MBD5: variants seen among roughly 807,000 people sequenced by gnomAD.
MBD5 encodes the protein methyl-CpG binding domain protein 5.
Under a neutral mutation model 117.3 loss-of-function variants are expected in MBD5, and 13 were observed. The observed-to-expected ratio is 0.11, with a 90% CI of 0.07 to 0.18. MBD5 has a LOEUF of 0.18. Ranked by LOEUF, MBD5 falls within the 10% of genes least tolerant of loss-of-function variation. The pLI is 1.00. For synonymous variants in MBD5, 727 were observed against 766.4 expected, an observed-to-expected ratio of 0.95 and a Z score of 0.85; for missense variants, 1,879 against 2,093.8, an observed-to-expected ratio of 0.90 and a Z score of 2.00.
At chr2:148,398,245 G>T (rs1704797645) in intron 4 of MBD5, among the ~76,000 whole-genome samples, 2 of 152,124 alleles carry the variant, frequency 1.3e-5, no homozygotes, top group Admixed American at 1.3e-4. Context: ...TTCCACAATG[G>T]TTGAACTAGT....
intron 3 of MBD5, among the ~76,000 whole-genome samples, chr2:148,319,578 G>T (rs1317902221): frequency 6.6e-6 from 1 of 152,094 alleles, no homozygotes. Flanking sequence ...ACATAGAAAT[G>T]CTACTGATAT....
At chr2:148,358,182 C>A (rs964003390) in intron 4 of MBD5, among the ~76,000 whole-genome samples, 1 of 152,058 alleles carries the variant, frequency 6.6e-6, no homozygotes, top group African/African-American at 2.4e-5. Flanking sequence ...GTATCTTTAA[C>A]TAGAAGTCAT....
chr2:148,363,431 C>T (rs541449988), intron 4 of MBD5, among the ~76,000 whole-genome samples: 16 of 152,152 alleles, frequency 1.1e-4, no homozygotes, highest in Admixed American at 6.6e-4. Flanking sequence ...GACGGGGTTT[C>T]GCTGTGTTAG....
At chr2:148,167,002 A>T (rs1317208565) in intron 1 of MBD5, among the ~76,000 whole-genome samples, 1 of 152,068 alleles carries the variant, frequency 6.6e-6, no homozygotes, top group Non-Finnish European at 1.5e-5. Context: ...AGGCTGAAGT[A>T]TGCATCATCT....
At chr2:148,158,725 T>C (rs1697930747) in intron 1 of MBD5, among the ~76,000 whole-genome samples, 6 of 152,162 alleles carry the variant, frequency 3.9e-5, no homozygotes, top group Admixed American at 2.6e-4. Context: ...GTTTGTTTTA[T>C]TTATTTATTT....
intron 1 of MBD5, among the ~76,000 whole-genome samples, chr2:148,146,728 G>C (rs559572771): frequency 1.3e-5 from 2 of 152,196 alleles, no homozygotes; most frequent in African/African-American, 4.8e-5. Context: ...CTTATGCATT[G>C]TTGGGATGCT....
chr2:148,288,534 T>G (rs1701421691), intron 3 of MBD5, among the ~76,000 whole-genome samples: 1 of 151,904 alleles, frequency 6.6e-6, no homozygotes, highest in South Asian at 2.1e-4. Flanking sequence ...AGAAAGATAT[T>G]TTGCTATGTC....
At chr2:148,251,993 C>T (rs1341610652) in intron 3 of MBD5, among the ~76,000 whole-genome samples, 1 of 152,020 alleles carries the variant, frequency 6.6e-6, no homozygotes, top group Non-Finnish European at 1.5e-5. Flanking sequence ...TTTGTTTTCC[C>T]GCACCTCACT....
At chr2:148,336,481 G>A (rs1423095063) in intron 3 of MBD5, among the ~76,000 whole-genome samples, 3 of 151,980 alleles carry the variant, frequency 2.0e-5, no homozygotes, top group East Asian at 1.9e-4. Flanking sequence ...CCACCTCCTG[G>A]GCTCAAACCA....
chr2:148,316,430 G>A (rs933230787), intron 3 of MBD5, among the ~76,000 whole-genome samples: 3 of 152,118 alleles, frequency 2.0e-5, no homozygotes, highest in Non-Finnish European at 4.4e-5. Context: ...AAGTAAACAT[G>A]TATTTATAGT....
intron 4 of MBD5, among the ~76,000 whole-genome samples, chr2:148,377,332 G>A (rs991927742): frequency 1.5e-4 from 23 of 152,120 alleles, no homozygotes; most frequent in Admixed American, 1.3e-3. Context: ...CCCAGGTTAA[G>A]GGTGGGTCTG....
intron 4 of MBD5, among the ~76,000 whole-genome samples, chr2:148,414,554 G>C (rs1705364243): frequency 6.6e-6 from 1 of 152,108 alleles, no homozygotes; most frequent in Non-Finnish European, 1.5e-5. Context: ...AGTACTGTTA[G>C]TGGGATGTTG....
chr2:148,485,854 C>T lies in MBD5; in HGVS notation c.3657C>T (p.Leu1219=). Residue 1219 remains leucine, a synonymous_variant, in exon 10 of 14, where the codon CTC becomes CTT. Transcript: ENST00000642680. Reference sequence around the variant, plus strand: ...CAAATCAGCAACAGCAGCAACTTCTCCAGGGGTACCAGAATCTCCAGGCGT... The same window carrying T: ...CAAATCAGCAACAGCAGCAACTTCTTCAGGGGTACCAGAATCTCCAGGCGT... ...FPPNQQQQQL[L]QGYQNLQAFQ... 1 of 1,614,120 alleles carries T rather than the reference C, an allele frequency of 6.2e-7. No individual in the cohort carries two copies. The highest frequency in any genetic ancestry group is 8.5e-7 in the Non-Finnish European group (1 of 1,179,978).
chr2:148,176,664 C>T (rs1289592947), intron 1 of MBD5, among the ~76,000 whole-genome samples: 1 of 152,092 alleles, frequency 6.6e-6, no homozygotes, highest in Non-Finnish European at 1.5e-5. Context: ...CTGCCTCAGC[C>T]TCCCAAAGTG....
Position 148,330,096 on chromosome 2 carries a change from C to CACACACACACACACACAA in MBD5, c.-679-12101_-679-12100insAACACACACACACACACA, listed in dbSNP as rs1198959006. Among the ~76,000 whole-genome samples the CACACACACACACACACAA allele has an allele frequency of 5.1e-5, 7 of 137,940 alleles. No homozygotes were observed. In the East Asian group the frequency reaches 1.3e-3, roughly 26 times the overall value. The allele number at this position is 137,940 out of a possible 152,430, so 90.5% of individuals were successfully genotyped here. On this transcript the variant is annotated intron_variant, in intron 3 of 13. Transcript: ENST00000642680. ...CTAAAGCCCTCCTGCCATACACACA[C>CACACACACACACACACAA]ACACACACACACACACACACACTCT...
chr2:148,235,195 G>C (rs1428290984), intron 3 of MBD5, among the ~76,000 whole-genome samples: 1 of 151,950 alleles, frequency 6.6e-6, no homozygotes, highest in Admixed American at 6.6e-5. Context: ...TTTTATTGTT[G>C]TCATGTTATT....
chr2:148,130,868 A>C (rs531820385), intron 1 of MBD5, among the ~76,000 whole-genome samples: 19 of 152,268 alleles, frequency 1.2e-4, no homozygotes, highest in African/African-American at 4.1e-4. Flanking sequence ...TGGGGAGACT[A>C]GCTAATATGT....
chr2:148,291,549 C>G (rs1322688832), intron 3 of MBD5, among the ~76,000 whole-genome samples: 2 of 151,988 alleles, frequency 1.3e-5, no homozygotes, highest in Admixed American at 6.6e-5. Flanking sequence ...GAGTCAATGG[C>G]AAAAGAAAAT....
chr2:148,311,097 T>G (rs1232827657), intron 3 of MBD5, among the ~76,000 whole-genome samples: 1 of 152,218 alleles, frequency 6.6e-6, no homozygotes, highest in East Asian at 1.9e-4. Flanking sequence ...AAGTGCTATG[T>G]GATGCTGAGA....
Sources: gnomAD v4.1 joint callset for allele counts (sites outside exome capture counted in the v4.1 genomes callset) on GRCh38, gnomAD v4.1.1 for gene constraint, MANE v1.5 for transcripts, NCBI Gene and HGNC (gene_info 2026-07-23, HGNC 2026-07-21) for gene names.